Variants in MID1 observed in about 807,000 individuals in gnomAD.
The protein encoded by MID1 is E3 ubiquitin-protein ligase Midline-1.
Under a neutral mutation model 40.4 loss-of-function variants are expected in MID1, and 7 were observed. The ratio of observed to expected loss-of-function variants is 0.17; its 90% CI spans 0.10 to 0.33. The LOEUF is 0.33. MID1 is among the 10% of genes least tolerant of loss of function. The pLI, the probability that MID1 is intolerant of heterozygous loss-of-function variation, is 1.00. For synonymous variants in MID1, 229 were observed against 221.2 expected, an observed-to-expected ratio of 1.04 and a Z score of -0.31; for missense variants, 367 against 558.5, an observed-to-expected ratio of 0.66 and a Z score of 3.46.
chrX:10,639,220 T>C (rs1273188442), intron 1 of MID1, among the ~76,000 whole-genome samples: 1 of 111,736 alleles, frequency 8.9e-6, no homozygotes, highest in East Asian at 2.8e-4. Context: ...TTCTCCGAGC[T>C]AAAGGAGGAT....
intron 2 of MID1, among the ~76,000 whole-genome samples, chrX:10,525,739 A>T (rs765266037): frequency 2.7e-5 from 3 of 112,244 alleles, no homozygotes; most frequent in Non-Finnish European, 5.6e-5. Flanking sequence ...GCTTCCTTCC[A>T]TGAGAGTTCT....
chrX:10,535,711 AC>A (rs765296777), intron 2 of MID1, among the ~76,000 whole-genome samples: 6 of 112,197 alleles, frequency 5.3e-5, no homozygotes, highest in African/African-American at 1.6e-4. Flanking sequence ...CAGAAACACA[AC>A]AGAAGTGTAC....
chrX:10,607,774 T>C (rs1935652345), intron 1 of MID1, among the ~76,000 whole-genome samples: 2 of 112,554 alleles, frequency 1.8e-5, no homozygotes, highest in Non-Finnish European at 1.9e-5. Flanking sequence ...GCATCTGCCA[T>C]GTCTTGAGCA....
chrX:10,648,777 G>A (rs1330205919), intron 1 of MID1, among the ~76,000 whole-genome samples: 3 of 111,111 alleles, frequency 2.7e-5, no homozygotes, highest in African/African-American at 9.9e-5. Context: ...ATGTGACTGA[G>A]ATCTGAGCTG....
chrX:10,523,279 G>T, intron 2 of MID1, 92 bp from the exon 3 acceptor site: 2 of 628,624 alleles, frequency 3.2e-6, no homozygotes, highest in Non-Finnish European at 5.0e-6. Flanking sequence ...AGGAAAAACT[G>T]ATACATTTTT....
intron 1 of MID1, among the ~76,000 whole-genome samples, chrX:10,784,198 T>C (rs1265318731): frequency 9.0e-6 from 1 of 110,863 alleles, no homozygotes; most frequent in Non-Finnish European, 1.9e-5. Flanking sequence ...TCATTAGATT[T>C]TTATAGGGAT....
chrX:10,564,888 T>A (rs912147284), intron 2 of MID1, among the ~76,000 whole-genome samples: 4 of 109,652 alleles, frequency 3.6e-5, no homozygotes, highest in Non-Finnish European at 7.6e-5. Flanking sequence ...GGAACATTTT[T>A]AATAAAGAAA....
chrX:10,818,796 T>G (rs2044155666), intron 1 of MID1, among the ~76,000 whole-genome samples: 1 of 112,192 alleles, frequency 8.9e-6, no homozygotes, highest in African/African-American at 3.2e-5. Flanking sequence ...TTCTTCTAAT[T>G]TAGTCTTATC....
intron 1 of MID1, among the ~76,000 whole-genome samples, chrX:10,647,055 T>C (rs1377253251): frequency 8.9e-6 from 1 of 111,945 alleles, no homozygotes; most frequent in African/African-American, 3.2e-5. Context: ...TGGCATAAGA[T>C]ATACAAATGA....
chrX:10,528,140 T>A (rs1056413609), intron 2 of MID1, among the ~76,000 whole-genome samples: 3 of 111,111 alleles, frequency 2.7e-5, no homozygotes, highest in African/African-American at 9.8e-5. Context: ...AATTCCAGGC[T>A]GTAGATCAGC....
chrX:10,458,593 T>C (rs937568993), intron 8 of MID1, among the ~76,000 whole-genome samples: 2 of 112,143 alleles, frequency 1.8e-5, no homozygotes, highest in African/African-American at 6.5e-5. Flanking sequence ...CCTGTAAATC[T>C]ACAGCTATTC....
chrX:10,782,350 G>T (rs991443997), intron 1 of MID1, among the ~76,000 whole-genome samples: 3 of 111,891 alleles, frequency 2.7e-5, no homozygotes, highest in East Asian at 2.8e-4. Flanking sequence ...CTTGGAATTG[G>T]TCTCCCTGGC....
chrX:10,519,106 T>C (rs1031116606), intron 3 of MID1, among the ~76,000 whole-genome samples: 1 of 111,907 alleles, frequency 8.9e-6, no homozygotes, highest in Admixed American at 9.5e-5. Flanking sequence ...CAGGTCATAA[T>C]GGAAACCAGA....
chrX:10,611,046 T>G (rs1935727715), intron 1 of MID1, among the ~76,000 whole-genome samples: 1 of 112,314 alleles, frequency 8.9e-6, no homozygotes, highest in Non-Finnish European at 1.9e-5. Flanking sequence ...ATTTTTAACC[T>G]TCAAAGCCTT....
At chrX:10,469,939 G>T in intron 6 of MID1, 99 bp from the exon 7 acceptor site, 1 of 787,966 alleles carries the variant, frequency 1.3e-6, no homozygotes, top group Non-Finnish European at 1.9e-6. Context: ...TTCTCAATAG[G>T]TCCATCAGGA....
chrX:10,763,745 T>A (rs1314510912), intron 1 of MID1, among the ~76,000 whole-genome samples: 6 of 111,888 alleles, frequency 5.4e-5, no homozygotes, highest in African/African-American at 1.6e-4. Flanking sequence ...CGCCACACTG[T>A]CTTCCACAAT....
intron 1 of MID1, among the ~76,000 whole-genome samples, chrX:10,574,224 G>C (rs1934813781): frequency 8.9e-6 from 1 of 111,736 alleles, no homozygotes; most frequent in Admixed American, 9.5e-5. Context: ...GAAGTGGCAG[G>C]AAGAAGAGTC....
At chrX:10,699,692 G>A (rs1431775535) in intron 1 of MID1, among the ~76,000 whole-genome samples, 1 of 112,119 alleles carries the variant, frequency 8.9e-6, no homozygotes, top group East Asian at 2.8e-4. Context: ...GGACATCACA[G>A]AGTCTACAAA....
At chrX:10,679,417 C>A (rs1426575231) in intron 1 of MID1, among the ~76,000 whole-genome samples, 1 of 111,750 alleles carries the variant, frequency 8.9e-6, no homozygotes, top group Non-Finnish European at 1.9e-5. Flanking sequence ...ACGTGAGATT[C>A]CTGTAGGTTT....
Sources: allele counts gnomAD v4.1 joint callset (sites outside exome capture counted in the v4.1 genomes callset), GRCh38; gene constraint gnomAD v4.1.1; transcripts MANE v1.5; gene names NCBI Gene and HGNC (gene_info 2026-07-23, HGNC 2026-07-21).